ASXL2: variants seen among roughly 807,000 people sequenced by gnomAD.
ASXL2 encodes ASXL transcriptional regulator 2, also known as putative Polycomb group protein ASXL2.
A neutral mutation model predicts 122.0 loss-of-function variants in ASXL2; 23 were observed. The observed-to-expected ratio is 0.19, with a 90% CI of 0.14 to 0.27. ASXL2 has a LOEUF of 0.27. ASXL2 is among the 10% of genes least tolerant of loss of function. The pLI, the probability that ASXL2 is intolerant of heterozygous loss-of-function variation, is 1.00. For synonymous variants in ASXL2, 650 were observed against 637.0 expected, an observed-to-expected ratio of 1.02 and a Z score of -0.31; for missense variants, 1,518 against 1,713.8, an observed-to-expected ratio of 0.89 and a Z score of 2.02.
At position 25,742,033 on chromosome 2, in the gene ASXL2, C is replaced by T. The variant is rs542810776; in HGVS notation, c.4304G>A (p.Arg1435Gln). 10 of 1,610,344 alleles carry T rather than the reference C, an allele frequency of 6.2e-6. No individual in the cohort carries two copies. The highest frequency in any genetic ancestry group is 1.3e-5 in the African/African-American group (1 of 74,890). The stretch of plus-strand genomic sequence containing the variant: ...GTGTATCTCTTTCTAGTCTCATTAC[C>T]GAACGACAAGGCAGGAGACGCACAG... ...SKLCVSCLVV[R>Q] is the part of the protein sequence containing the mutation. The change falls in exon 13 of 13, where the codon CGG becomes CAG. Residue 1435 changes from arginine (R) to glutamine (Q), a missense_variant. Physicochemically the swap from Arg to Gln is conservative, Grantham distance 43. This residue lies in a region of ASXL2 where 17 missense variants were observed against 37.3 expected (regional missense o/e 0.46). Transcript: ENST00000435504.
At chr2:25,750,492 A>G in intron 11 of ASXL2, 79 bp from the exon 12 acceptor site, 1 of 1,260,366 alleles carries the variant, frequency 7.9e-7, no homozygotes, top group Non-Finnish European at 1.1e-6. Flanking sequence ...AGATAATGGA[A>G]GATGACAATG....
At chr2:25,800,140 T>C (rs1574422940) in intron 4 of ASXL2, among the ~76,000 whole-genome samples, 2 of 151,444 alleles carry the variant, frequency 1.3e-5, no homozygotes, top group East Asian at 3.9e-4. Flanking sequence ...CAAAAAAAAA[T>C]ACAAAAATTA....
intron 3 of ASXL2, among the ~76,000 whole-genome samples, chr2:25,824,745 A>AT (rs2089355794): frequency 6.6e-6 from 1 of 152,132 alleles, no homozygotes; most frequent in Non-Finnish European, 1.5e-5. Flanking sequence ...CTAATTATGT[A>AT]TTTTTTTAAA....
chr2:25,788,766 T>G (rs1374281556), intron 5 of ASXL2, among the ~76,000 whole-genome samples: 1 of 152,196 alleles, frequency 6.6e-6, no homozygotes, highest in Non-Finnish European at 1.5e-5. Context: ...CTTTGCCCAT[T>G]TTTCTATGAA....
intron 3 of ASXL2, among the ~76,000 whole-genome samples, chr2:25,816,514 C>A (rs530171677): frequency 6.6e-6 from 1 of 152,242 alleles, no homozygotes; most frequent in Non-Finnish European, 1.5e-5. Flanking sequence ...TTGGCTGACT[C>A]CTGTGATTGA....
At position 25,743,264 on chromosome 2, in the gene ASXL2, G is replaced by T. The variant is rs1240013702; in HGVS notation, c.3073C>A (p.Gln1025Lys). ...GGAACCTGGGGGAGCTGCTTACTTT[G>T]CAAGGTTTTGCCCAGCTGCTGCTGC... Reference protein sequence around the residue: ...ATQQQLGKTLQSKQLPQVPRP... With the variant: ...ATQQQLGKTLKSKQLPQVPRP... Residue 1025 changes from glutamine (Q) to lysine (K), a missense_variant, in exon 13 of 13, where the codon CAA becomes AAA. This residue lies in a region of ASXL2 where 831 missense variants were observed against 833.1 expected (regional missense o/e 1.00). Coordinates refer to ENST00000435504, the MANE Select transcript of ASXL2 (RefSeq NM_018263.6). 1.2e-6 allele frequency: 2 copies of T among 1,613,680 alleles called. No individual in the cohort carries two copies. The highest frequency in any genetic ancestry group is 1.7e-5 in the Admixed American group (1 of 59,926).
intron 5 of ASXL2, among the ~76,000 whole-genome samples, chr2:25,795,023 G>A (rs1574420482): frequency 6.6e-6 from 1 of 152,244 alleles, no homozygotes; most frequent in East Asian, 1.9e-4. Context: ...AAAGACAGAT[G>A]CATATTCTAT....
chr2:25,755,934 C>T (rs2088122372), intron 10 of ASXL2, 84 bp downstream of exon 10: 8 of 1,172,472 alleles, frequency 6.8e-6, no homozygotes, highest in East Asian at 4.7e-5. Flanking sequence ...CTTTACCTTC[C>T]AAAACTGCGT....
chr2:25,855,560 G>A (rs13010464), intron 1 of ASXL2, among the ~76,000 whole-genome samples: 53,912 of 151,996 alleles, frequency 0.35, 12,317 homozygotes, highest in Non-Finnish European at 0.51. Flanking sequence ...TCTCAACTTG[G>A]GAAGCTGAGG....
chr2:25,851,065 G>A (rs2089710846), intron 1 of ASXL2, among the ~76,000 whole-genome samples: 1 of 151,066 alleles, frequency 6.6e-6, no homozygotes, highest in South Asian at 2.1e-4. Flanking sequence ...AGAATCACTT[G>A]AACCTGGGAG....
rs780904802 is a variant in ASXL2, at chr2:25,742,168, T to C, written c.4169A>G (p.Glu1390Gly). 8 of 1,614,050 alleles carry C rather than the reference T, an allele frequency of 5.0e-6. No homozygotes were observed. Among genetic ancestry groups the C allele is most frequent in the Non-Finnish European group, 8.5e-7 (1 of 1,179,904 alleles). ...QTIPVQAFSE[E>G]NSIEGTPSKC... ...CGAAGGCGTGCCCTCTATGCTGTTC[T>C]CTTCGGAGAACGCCTGAACAGGAAT... The change falls in exon 13 of 13, where the codon GAG becomes GGG. Residue 1390 changes from glutamate to glycine, a missense_variant. By Grantham distance (98) the Glu-to-Gly change is moderately conservative. Around this residue, in one of 8 missense-constraint regions of ASXL2, gnomAD observed 831 missense variants for 833.1 expected, o/e 1.00. Coordinates refer to ENST00000435504, the MANE Select transcript of ASXL2 (RefSeq NM_018263.6).
chr2:25,805,973 G>A (rs923204267), intron 4 of ASXL2, among the ~76,000 whole-genome samples: 1 of 152,078 alleles, frequency 6.6e-6, no homozygotes, highest in African/African-American at 2.4e-5. Context: ...CACCACGCCT[G>A]GCCATAAGTC....
rs1252683853 is a variant in ASXL2, at chr2:25,767,686, G to A, written c.672C>T (p.Ser224=). 1 of 1,613,922 alleles carries A rather than the reference G, an allele frequency of 6.2e-7. No individual in the cohort carries two copies. Among genetic ancestry groups the A allele is most frequent in the Non-Finnish European group, 8.5e-7 (1 of 1,179,862 alleles). The change falls in exon 8 of 13, where the codon AGC becomes AGT. Residue 224 remains serine (S), a synonymous_variant. Transcript: ENST00000435504. ...EGKQSDGQTG[S]PQNSNSSFSS... ...AAAAGCTGGAGTTTGAGTTTTGAGG[G>A]CTGCCTGTCTGTCCATCAGATTGCT...
intron 2 of ASXL2, among the ~76,000 whole-genome samples, chr2:25,837,384 A>G (rs2089524211): frequency 6.6e-6 from 1 of 152,318 alleles, no homozygotes; most frequent in South Asian, 2.1e-4. Flanking sequence ...TCCAAATTGC[A>G]TACAACTAGT....
chr2:25,844,065 A>ATTTGAGT (rs2089620806), intron 2 of ASXL2, among the ~76,000 whole-genome samples: 1 of 151,992 alleles, frequency 6.6e-6, no homozygotes, highest in Non-Finnish European at 1.5e-5. Context: ...CCCCTACCCC[A>ATTTGAGT]ATCACTGTGA....
chr2:25,757,937 A>C (rs2088168239), intron 9 of ASXL2, among the ~76,000 whole-genome samples: 1 of 151,608 alleles, frequency 6.6e-6, no homozygotes, highest in African/African-American at 2.4e-5. Context: ...AAAAAAAAAA[A>C]AAAAGATGAG....
chr2:25,874,510 G>C (rs1472199433), intron 1 of ASXL2, among the ~76,000 whole-genome samples: 1 of 152,112 alleles, frequency 6.6e-6, no homozygotes, highest in Non-Finnish European at 1.5e-5. Flanking sequence ...AATTAGCTGG[G>C]CATGGTGGCA....
intron 5 of ASXL2, among the ~76,000 whole-genome samples, chr2:25,792,617 T>A (rs2088851681): frequency 6.6e-6 from 1 of 152,066 alleles, no homozygotes; most frequent in African/African-American, 2.4e-5. Flanking sequence ...TCTTTTTTTT[T>A]CTTGAAACAG....
At chr2:25,757,506 C>CTTTT (rs2088155966) in intron 9 of ASXL2, among the ~76,000 whole-genome samples, 1 of 144,302 alleles carries the variant, frequency 6.9e-6, no homozygotes, top group Admixed American at 6.9e-5. Flanking sequence ...AAAAAGAAAA[C>CTTTT]ACACACACAC....
Sources: gnomAD v4.1 joint callset for allele counts (sites outside exome capture counted in the v4.1 genomes callset) on GRCh38, gnomAD v4.1.1 for gene constraint, gnomAD v4.1.1 regional missense constraint, MANE v1.5 for transcripts, NCBI Gene and HGNC (gene_info 2026-07-23, HGNC 2026-07-21) for gene names.